PCCA: variants seen among roughly 807,000 people sequenced by gnomAD.
PCCA encodes the protein propionyl-CoA carboxylase subunit alpha, also known as propionyl-CoA carboxylase alpha chain, mitochondrial.
In PCCA, 74 loss-of-function variants were observed where a neutral mutation model predicts 101.3. The observed-to-expected ratio is 0.73, with a 90% confidence interval of 0.61 to 0.89. The LOEUF is 0.89. Among genes scored for constraint, PCCA ranks in the 40% least tolerant of loss-of-function variants. The probability of loss-of-function intolerance (pLI) is 0.00; values close to 1 mark genes in which losing one functional copy is unlikely to be tolerated. For missense variants in PCCA, 891 were observed against 907.0 expected (o/e 0.98, Z 0.23); for synonymous variants, 294 against 313.6 (o/e 0.94, Z 0.66).
intron 18 of PCCA, among the ~76,000 whole-genome samples, chr13:100,348,779 T>TTCCTTCCTTCCTTCCTTCCTTCCTTC (rs2072755235): frequency 1.3e-5 from 1 of 76,232 alleles, no homozygotes; most frequent in Non-Finnish European, 2.8e-5. Flanking sequence ...TTTCTTTCTT[T>TTCCTTCCTTCCTTCCTTCCTTCCTTC]CTTTCTTTCT....
At position 100,393,707 on chromosome 13, in the gene PCCA, G is replaced by T. The variant is rs374681525; in HGVS notation, c.1746+25133G>T. Among the ~76,000 whole-genome samples, 164 of 152,100 alleles carry T rather than the reference G, an allele frequency of 1.1e-3. 6 individuals are homozygous for T. The South Asian group carries it at 0.031, about 29-fold the overall frequency. On this transcript the variant is annotated intron_variant, in intron 19 of 23. Coordinates refer to ENST00000376285, the MANE Select transcript of PCCA (RefSeq NM_000282.4). ...GTTGGGATTACAGGCATGAGTTACC[G>T]GACCCTGCCTACTCAAGAGTCTTAA... is the stretch of plus-strand genomic sequence containing the variant.
chr13:100,174,130 A>T (rs575358442), intron 6 of PCCA, among the ~76,000 whole-genome samples: 7 of 152,276 alleles, frequency 4.6e-5, no homozygotes, highest in Non-Finnish European at 8.8e-5. Flanking sequence ...AAAAACCTGT[A>T]TATGTGCCTT....
At chr13:100,520,791 TAAAAA>T (rs1566503265) in intron 22 of PCCA, among the ~76,000 whole-genome samples, 1 of 151,934 alleles carries the variant, frequency 6.6e-6, no homozygotes, top group Non-Finnish European at 1.5e-5. Context: ...AATTATAAAA[TAAAAA>T]ATATTTATGT....
intron 12 of PCCA, among the ~76,000 whole-genome samples, chr13:100,283,972 C>T (rs2064357323): frequency 6.6e-6 from 1 of 152,230 alleles, no homozygotes; most frequent in Admixed American, 6.5e-5. Context: ...GATCCAACAA[C>T]AGGACTGAGG....
intron 8 of PCCA, among the ~76,000 whole-genome samples, chr13:100,237,935 C>CT (rs1167146448): frequency 0.11 from 14,448 of 130,136 alleles, 1,085 homozygotes; most frequent in Middle Eastern, 0.17. Context: ...TTCTTTCTTT[C>CT]TTTCTTTTTT....
At chr13:100,459,557 G>A (rs1294638423) in intron 21 of PCCA, among the ~76,000 whole-genome samples, 1 of 152,156 alleles carries the variant, frequency 6.6e-6, no homozygotes, top group Non-Finnish European at 1.5e-5. Context: ...ACAAAAGTGA[G>A]CATAGAAAGG....
chr13:100,452,984 A>T (rs545278607), intron 21 of PCCA, among the ~76,000 whole-genome samples: 1 of 152,140 alleles, frequency 6.6e-6, no homozygotes, highest in Non-Finnish European at 1.5e-5. Flanking sequence ...TAGGAGGATC[A>T]CTTGAGCCCA....
In PCCA at chr13:100,506,245, C is replaced by T. The variant is rs1273511678; in HGVS notation, c.1900-9182C>T. The stretch of plus-strand genomic sequence containing the variant: ...TCAGCATCGTGTGTTCTGTACACAG[C>T]ACAGCATGAGGGTGCCAGCAGTCCT... On this transcript the variant is annotated intron_variant, in intron 21 of 23. Coordinates refer to ENST00000376285, the MANE Select transcript of PCCA (RefSeq NM_000282.4). Among the ~76,000 whole-genome samples, 3 of 152,158 alleles carry T rather than the reference C, an allele frequency of 2.0e-5. No individual in the cohort carries two copies. The East Asian group carries it at 5.8e-4, about 30-fold the overall frequency.
intron 8 of PCCA, among the ~76,000 whole-genome samples, chr13:100,256,132 G>A (rs2062057646): frequency 6.6e-6 from 1 of 152,026 alleles, no homozygotes; most frequent in Non-Finnish European, 1.5e-5. Context: ...CTCAGCCTCT[G>A]AGTAGCTGGG....
At chr13:100,186,601 G>A (rs1566661213) in intron 6 of PCCA, among the ~76,000 whole-genome samples, 1 of 151,936 alleles carries the variant, frequency 6.6e-6, no homozygotes, top group South Asian at 2.1e-4. Context: ...AATGGTTCAG[G>A]TGTGGTGGCA....
intron 21 of PCCA, among the ~76,000 whole-genome samples, chr13:100,458,358 C>G (rs2081913964): frequency 1.5e-5 from 1 of 68,100 alleles, no homozygotes; most frequent in Non-Finnish European, 2.8e-5. Context: ...GGGACCCCAT[C>G]TCTACACACA....
intron 7 of PCCA, among the ~76,000 whole-genome samples, chr13:100,234,507 C>T (rs537243864): frequency 5.3e-5 from 8 of 151,626 alleles, no homozygotes; most frequent in African/African-American, 1.7e-4. Flanking sequence ...AAACTGATGT[C>T]GCTTTCAGGA....
intron 12 of PCCA, among the ~76,000 whole-genome samples, chr13:100,291,126 G>C (rs2065084496): frequency 6.6e-6 from 1 of 152,158 alleles, no homozygotes. Flanking sequence ...AAAGTATACG[G>C]AAAGGGCTGG....
chr13:100,375,421 T>C (rs949986204), intron 19 of PCCA, among the ~76,000 whole-genome samples: 2 of 152,298 alleles, frequency 1.3e-5, no homozygotes, highest in African/African-American at 2.4e-5. Context: ...CTGAATATCC[T>C]TGTTAATTTT....
chr13:100,196,895 G>GT (rs1217593509), intron 6 of PCCA, among the ~76,000 whole-genome samples: 1 of 152,146 alleles, frequency 6.6e-6, no homozygotes, highest in African/African-American at 2.4e-5. Context: ...CAATGAGCTG[G>GT]TAAGAGTTAA....
intron 19 of PCCA, among the ~76,000 whole-genome samples, chr13:100,388,263 G>T (rs936901957): frequency 1.3e-5 from 2 of 152,148 alleles, no homozygotes; most frequent in African/African-American, 4.8e-5. Flanking sequence ...GAGCCTGGGA[G>T]TTGGAGACCA....
intron 6 of PCCA, among the ~76,000 whole-genome samples, chr13:100,171,096 G>C (rs1363814366): frequency 6.6e-6 from 1 of 152,172 alleles, no homozygotes; most frequent in Non-Finnish European, 1.5e-5. Context: ...TTGAATGCAG[G>C]AACCAGATTT....
intron 6 of PCCA, among the ~76,000 whole-genome samples, chr13:100,184,094 A>T (rs2057035927): frequency 6.6e-6 from 1 of 152,216 alleles, no homozygotes; most frequent in Non-Finnish European, 1.5e-5. Flanking sequence ...AGGAGGCCTC[A>T]GGAAACTTAC....
chr13:100,469,244 A>G (rs541542115), intron 21 of PCCA, among the ~76,000 whole-genome samples: 1 of 143,500 alleles, frequency 7.0e-6, no homozygotes, highest in East Asian at 2.2e-4. Context: ...CTTTGGTTCC[A>G]GAAAATCTCC....
Sources: gnomAD v4.1 joint callset for allele counts (sites outside exome capture counted in the v4.1 genomes callset) on GRCh38, gnomAD v4.1.1 for gene constraint, MANE v1.5 for transcripts, NCBI Gene and HGNC (gene_info 2026-07-23, HGNC 2026-07-21) for gene names.